Variants in RAPH1 observed in about 807,000 individuals in gnomAD.
RAPH1 encodes the protein Ras association (RalGDS/AF-6) and pleckstrin homology domains 1.
Under a neutral mutation model 88.1 loss-of-function variants are expected in RAPH1, and 18 were observed. The observed-to-expected ratio is 0.20, with a 90% confidence interval of 0.14 to 0.30. The LOEUF (loss-of-function observed/expected upper bound fraction) is 0.30, where lower values mean the gene tolerates loss of function less well. Among genes scored for constraint, RAPH1 ranks in the 10% least tolerant of loss-of-function variants. The pLI, the probability that RAPH1 is intolerant of heterozygous loss-of-function variation, is 1.00. For missense variants in RAPH1, 1,448 were observed against 1,543.2 expected (o/e 0.94, Z 1.03); for synonymous variants, 587 against 559.0 (o/e 1.05, Z -0.71).
intron 4 of RAPH1, among the ~76,000 whole-genome samples, chr2:203,464,467 C>T (rs1194393759): frequency 6.6e-6 from 1 of 152,162 alleles, no homozygotes; most frequent in African/African-American, 2.4e-5. Flanking sequence ...GACAGGGTTT[C>T]GCCATGTTGG....
chr2:203,491,044 C>CAAAAAAA (rs1234982757), intron 3 of RAPH1, among the ~76,000 whole-genome samples, 170 bp downstream of exon 3: 1 of 52,754 alleles, frequency 1.9e-5, no homozygotes. Context: ...AACTCTGTCT[C>CAAAAAAA]AAAAAAAAAA....
chr2:203,441,867 G>T, intron 13 of RAPH1: 1 of 1,343,106 alleles, frequency 7.4e-7, no homozygotes, highest in Non-Finnish European at 9.6e-7. Flanking sequence ...TGCTATAACT[G>T]GGTTTAGGAG....
At chr2:203,477,688 C>G (rs1687526968) in intron 4 of RAPH1, among the ~76,000 whole-genome samples, 1 of 152,160 alleles carries the variant, frequency 6.6e-6, no homozygotes, top group African/African-American at 2.4e-5. Context: ...CCCTCGAATT[C>G]TAGATGAATA....
At chr2:203,509,369 A>G (rs1689233968) in intron 1 of RAPH1, among the ~76,000 whole-genome samples, 3 of 152,218 alleles carry the variant, frequency 2.0e-5, no homozygotes, top group Admixed American at 6.5e-5. Context: ...CCCTAAAAAA[A>G]TAAGTAATTT....
intron 1 of RAPH1, among the ~76,000 whole-genome samples, chr2:203,531,818 G>A (rs1690403370): frequency 2.6e-5 from 4 of 152,150 alleles, no homozygotes; most frequent in Non-Finnish European, 5.9e-5. Flanking sequence ...AGCTGCTGTG[G>A]AATGCAATAT....
chr2:203,492,516 C>T (rs532599345), intron 2 of RAPH1, among the ~76,000 whole-genome samples: 18 of 152,300 alleles, frequency 1.2e-4, no homozygotes, highest in Admixed American at 2.6e-4. Context: ...TTGAATCATA[C>T]TGTATACTTT....
At position 203,455,477 on chromosome 2, in the gene RAPH1, C is replaced by T. The variant is rs1442111137; in HGVS notation, c.1262G>A (p.Arg421Gln). ...GGGAACATAGTAGATACCAGATGCT[C>T]GCAAGAGAAAATAACGCTTTTTCCA... Reference protein sequence around the residue: ...KSWKKRYFLLRASGIYYVPKG... With the variant: ...KSWKKRYFLLQASGIYYVPKG... Residue 421 changes from arginine (R) to glutamine (Q), a missense_variant, in exon 9 of 14, where the codon CGA (arginine) becomes CAA (glutamine). Transcript: ENST00000319170. 6.2e-7 allele frequency: 1 copy of T among 1,613,970 alleles called. No individual in the cohort carries two copies. The highest frequency in any genetic ancestry group is 2.2e-5 in the East Asian group (1 of 44,858).
chr2:203,442,683 CAGG>C (rs1305514878), intron 13 of RAPH1: 2 of 152,368 alleles, frequency 1.3e-5, no homozygotes, highest in African/African-American at 2.4e-5. Context: ...ACTGAGGTAA[CAGG>C]AGAAGAAATA....
chr2:203,468,721 G>C (rs2098530616), intron 4 of RAPH1, among the ~76,000 whole-genome samples: 1 of 152,128 alleles, frequency 6.6e-6, no homozygotes, highest in Non-Finnish European at 1.5e-5. Context: ...TGTTGAATTG[G>C]CAATGAAAAT....
chr2:203,499,392 A>G (rs547938558), intron 1 of RAPH1, among the ~76,000 whole-genome samples: 44 of 151,916 alleles, frequency 2.9e-4, no homozygotes, highest in Non-Finnish European at 4.3e-4. Context: ...CCTATTTTCA[A>G]TTTGTCCCTA....
At chr2:203,456,224 A>G (rs1264154718) in intron 8 of RAPH1, among the ~76,000 whole-genome samples, 1 of 152,244 alleles carries the variant, frequency 6.6e-6, no homozygotes, top group Non-Finnish European at 1.5e-5. Flanking sequence ...AGTTGCATGT[A>G]ACAGTAGTTA....
intron 1 of RAPH1, among the ~76,000 whole-genome samples, chr2:203,506,859 T>TAG (rs1559494853): frequency 1.2e-5 from 1 of 84,024 alleles, no homozygotes; most frequent in Non-Finnish European, 2.3e-5. Context: ...TCTATATCTA[T>TAG]ATATATATAT....
In RAPH1 at chr2:203,508,097, G is replaced by GTAGTC; in HGVS notation, c.1-12749_1-12745dup. On this transcript the variant is annotated intron_variant, in intron 1 of 13. Transcript: ENST00000319170. ...TAGCCACATGTGGTGGTGGGTGCCTGTAGTCCCAGCTACTTGGGAGGCTGA... is the reference window on the plus strand; with the variant it reads ...TAGCCACATGTGGTGGTGGGTGCCTGTAGTCTAGTCCCAGCTACTTGGGAGGCTGA... Among the ~76,000 whole-genome samples the GTAGTC allele has an allele frequency of 2.0e-5, 3 of 151,676 alleles. No homozygotes were observed. The South Asian group carries it at 6.3e-4, about 32-fold the overall frequency.
At chr2:203,530,605 A>T (rs900733300) in intron 1 of RAPH1, among the ~76,000 whole-genome samples, 4 of 152,214 alleles carry the variant, frequency 2.6e-5, no homozygotes, top group Non-Finnish European at 5.9e-5. Flanking sequence ...GTTAAAAAAA[A>T]TTTAGGCCAA....
intron 4 of RAPH1, among the ~76,000 whole-genome samples, chr2:203,467,660 C>T (rs1023016173): frequency 6.6e-6 from 1 of 152,092 alleles, no homozygotes; most frequent in Non-Finnish European, 1.5e-5. Context: ...TGTCCAAGGT[C>T]TCAGGACCAA....
rs1199355454 is a variant in RAPH1, at chr2:203,434,976, A to ATTTC, written c.*4457_*4460dup. The ATTTC allele has an allele frequency of 6.6e-6, 1 of 152,622 alleles. No homozygotes were observed. Among genetic ancestry groups the ATTTC allele is most frequent in the African/African-American group, 2.4e-5 (1 of 41,430 alleles). 9.5% of individuals were successfully genotyped at this position (152,622 alleles called of 1,614,324 possible). ...TAGCACCTCAAAGTTTGCTTGCTGG[A>ATTTC]TTTCTTTAAAAATATTCTGCCAAAA... On this transcript the variant is annotated 3_prime_UTR_variant, in exon 14 of 14. Coordinates refer to ENST00000319170, the MANE Select transcript of RAPH1 (RefSeq NM_213589.3).
rs2098507720 is a variant in RAPH1 at position 203,444,597 on chromosome 2, CTGA to C, written c.1776+268_1776+270del. ...TGTTATTTCTTAAAAATCTGAGCCACTGATGAAAGAATTAAACTGCCAGTTTTT... is the reference window on the plus strand; with the variant it reads ...TGTTATTTCTTAAAAATCTGAGCCACTGAAAGAATTAAACTGCCAGTTTTT... On this transcript the variant is annotated intron_variant, in intron 13 of 13. Coordinates refer to ENST00000319170, the MANE Select transcript of RAPH1 (RefSeq NM_213589.3). The C allele has an allele frequency of 1.7e-5, 7 of 412,670 alleles. 1 individual carries two copies. In the South Asian group the frequency reaches 6.3e-4, roughly 37 times the overall value. 25.6% of individuals were successfully genotyped at this position (412,670 alleles called of 1,614,324 possible). A position where few individuals can be genotyped will look rare whatever the true frequency, so the allele number is the denominator to read the frequency against.
intron 4 of RAPH1, among the ~76,000 whole-genome samples, chr2:203,475,792 C>T (rs139249999): frequency 3.3e-5 from 5 of 149,698 alleles, no homozygotes; most frequent in African/African-American, 1.2e-4. Context: ...TTCTCTTAAA[C>T]CCAAAGTTCT....
intron 1 of RAPH1, among the ~76,000 whole-genome samples, chr2:203,499,715 A>G (rs543292187): frequency 2.1e-4 from 31 of 150,180 alleles, no homozygotes; most frequent in African/African-American, 7.3e-4. Context: ...CATCTCAAAG[A>G]AAAAAAAAAC....
Sources: allele counts gnomAD v4.1 joint callset (sites outside exome capture counted in the v4.1 genomes callset), GRCh38; gene constraint gnomAD v4.1.1; transcripts MANE v1.5; gene names NCBI Gene and HGNC (gene_info 2026-07-23, HGNC 2026-07-21).